The following PXT1 variants were observed in gnomAD, a reference collection of about 807,000 sequenced individuals.
PXT1 encodes the protein peroxisomal testis-specific protein 1.
A neutral mutation model predicts 11.0 loss-of-function variants in PXT1; 11 were observed. The observed-to-expected ratio is 1.00, with a 90% CI of 0.63 to 1.66. The LOEUF is 1.66. Ranked by LOEUF, PXT1 falls within the 40% of genes most tolerant of loss-of-function variation. The pLI is 0.00. For missense variants in PXT1, 141 were observed against 155.5 expected, an observed-to-expected ratio of 0.91 and a Z score of 0.49; for synonymous variants, 43 against 51.4, an observed-to-expected ratio of 0.84 and a Z score of 0.70.
intron 3 of PXT1, among the ~76,000 whole-genome samples, chr6:36,401,432 T>C (rs1037748182): frequency 2.6e-5 from 4 of 152,098 alleles, no homozygotes; most frequent in Non-Finnish European, 5.9e-5. Flanking sequence ...CAGGGCAACA[T>C]AGTAAGACCT....
intron 3 of PXT1, among the ~76,000 whole-genome samples, chr6:36,424,403 A>G (rs1170119008): frequency 6.6e-6 from 1 of 152,208 alleles, no homozygotes. Flanking sequence ...GCACTTTGGG[A>G]GACCGAGGCG....
At chr6:36,406,273 T>C (rs1187276450) in intron 3 of PXT1, among the ~76,000 whole-genome samples, 1 of 152,074 alleles carries the variant, frequency 6.6e-6, no homozygotes, top group Non-Finnish European at 1.5e-5. Flanking sequence ...AAATAATCCA[T>C]TGCCTGGCCA....
intron 4 of PXT1, among the ~76,000 whole-genome samples, chr6:36,400,117 TGCA>T (rs2127410467): frequency 6.6e-6 from 1 of 152,234 alleles, no homozygotes; most frequent in East Asian, 1.9e-4. Flanking sequence ...CACTTCAATG[TGCA>T]CACAAATCCC....
intron 2 of PXT1, among the ~76,000 whole-genome samples, chr6:36,427,830 C>G (rs1401144582): frequency 6.6e-6 from 1 of 152,122 alleles, no homozygotes; most frequent in Admixed American, 6.6e-5. Flanking sequence ...CTGTACTTTA[C>G]TGGACGGCCA....
intron 3 of PXT1, among the ~76,000 whole-genome samples, chr6:36,403,200 C>A (rs1049835073): frequency 2.0e-5 from 3 of 152,146 alleles, no homozygotes; most frequent in Non-Finnish European, 4.4e-5. Flanking sequence ...CATGTGCAGG[C>A]AAGTTTGAGG....
intron 3 of PXT1, 114 bp downstream of exon 3, chr6:36,425,800 C>CAAACAAACAAACAA (rs1554154117): frequency 1.3e-4 from 28 of 216,710 alleles, no homozygotes; most frequent in African/African-American, 8.7e-4. Flanking sequence ...AAAACAAAAA[C>CAAACAAACAAACAA]AAAAAATATA....
intron 3 of PXT1, among the ~76,000 whole-genome samples, chr6:36,423,660 C>T (rs1774558839): frequency 6.6e-6 from 1 of 152,206 alleles, no homozygotes; most frequent in Admixed American, 6.5e-5. Flanking sequence ...CACACCGCCC[C>T]CTCATTCCGC....
At chr6:36,417,243 A>G (rs1351419434) in intron 3 of PXT1, among the ~76,000 whole-genome samples, 2 of 152,132 alleles carry the variant, frequency 1.3e-5, no homozygotes, top group Admixed American at 6.5e-5. Flanking sequence ...GCTACTCAGG[A>G]GGCTGAGGCA....
intron 3 of PXT1, among the ~76,000 whole-genome samples, chr6:36,407,135 G>T (rs186642174): frequency 4.6e-5 from 7 of 152,240 alleles, no homozygotes; most frequent in Admixed American, 2.6e-4. Context: ...TTTTAGTTCT[G>T]GTCATTTACT....
intron 3 of PXT1, among the ~76,000 whole-genome samples, chr6:36,416,983 A>C (rs1052914580): frequency 6.6e-6 from 1 of 152,258 alleles, no homozygotes; most frequent in Non-Finnish European, 1.5e-5. Flanking sequence ...GATATTGCTG[A>C]ACATGGATCA....
At chr6:36,426,208 T>C (rs1039357902) in intron 2 of PXT1, 117 bp from the exon 3 acceptor site, 6 of 667,204 alleles carry the variant, frequency 9.0e-6, no homozygotes, top group Non-Finnish European at 1.4e-5. Context: ...TATAAGAGAG[T>C]TATGGATTGG....
At chr6:36,436,567 G>A (rs1002399987) in intron 2 of PXT1, among the ~76,000 whole-genome samples, 1 of 152,136 alleles carries the variant, frequency 6.6e-6, no homozygotes, top group African/African-American at 2.4e-5. Context: ...TGCCTTGTTT[G>A]GTACTGGGTT....
intron 3 of PXT1, among the ~76,000 whole-genome samples, chr6:36,423,065 A>C (rs994577820): frequency 6.6e-6 from 1 of 152,166 alleles, no homozygotes; most frequent in Admixed American, 6.5e-5. Flanking sequence ...CCATACAAAA[A>C]TTATGTATTT....
intron 3 of PXT1, among the ~76,000 whole-genome samples, chr6:36,414,681 T>C (rs1269412165): frequency 1.3e-5 from 2 of 152,152 alleles, no homozygotes; most frequent in Admixed American, 6.6e-5. Flanking sequence ...TATTTGAACA[T>C]TACCTTTGGA....
At chr6:36,441,173 GA>G (rs538523925) in intron 1 of PXT1, among the ~76,000 whole-genome samples, 155 of 151,864 alleles carry the variant, frequency 1.0e-3, no homozygotes, top group African/African-American at 3.6e-3. Flanking sequence ...TTCCAGAAAG[GA>G]AGAATTTGTT....
chr6:36,409,194 T>TC (rs1343596164), intron 3 of PXT1, among the ~76,000 whole-genome samples: 11 of 151,528 alleles, frequency 7.3e-5, no homozygotes, highest in African/African-American at 2.7e-4. Flanking sequence ...TCTCCTAATC[T>TC]CCCCCAAGAC....
At chr6:36,425,875 A>G (rs1305538473) in intron 3 of PXT1, 39 bp downstream of exon 3, 19 of 1,396,454 alleles carry the variant, frequency 1.4e-5, no homozygotes, top group Non-Finnish European at 1.8e-5. Flanking sequence ...AACACATGCT[A>G]AGTAAACTAT....
At chr6:36,428,778 C>T (rs1028812611) in intron 2 of PXT1, among the ~76,000 whole-genome samples, 2 of 150,580 alleles carry the variant, frequency 1.3e-5, no homozygotes, top group African/African-American at 2.5e-5. Context: ...GTCTCTCGCT[C>T]TATCACCCAG....
chr6:36,414,448 T>A (rs1774420124), intron 3 of PXT1, among the ~76,000 whole-genome samples: 1 of 152,192 alleles, frequency 6.6e-6, no homozygotes, highest in Non-Finnish European at 1.5e-5. Flanking sequence ...ATGGTCCAAA[T>A]ATGAAGCAAA....
Sources: gnomAD v4.1 joint callset for allele counts (sites outside exome capture counted in the v4.1 genomes callset) on GRCh38, gnomAD v4.1.1 for gene constraint, MANE v1.5 for transcripts, NCBI Gene and HGNC (gene_info 2026-07-23, HGNC 2026-07-21) for gene names.